The following FER variants were observed in gnomAD, a reference collection of about 807,000 sequenced individuals.
FER encodes the protein FER tyrosine kinase.
FER carries 63 observed loss-of-function variants against 111.0 expected under a neutral mutation model. The observed-to-expected ratio is 0.57, with a 90% CI of 0.46 to 0.70. The LOEUF (loss-of-function observed/expected upper bound fraction) is 0.70. FER is among the 30% of genes least tolerant of loss of function. The pLI is 0.00. For synonymous variants in FER, 327 were observed against 313.9 expected (o/e 1.04, Z -0.44); for missense variants, 914 against 954.0 (o/e 0.96, Z 0.55).
intron 3 of FER, among the ~76,000 whole-genome samples, chr5:108,821,647 C>G (rs2150105353): frequency 6.6e-6 from 1 of 151,784 alleles, no homozygotes; most frequent in Non-Finnish European, 1.5e-5. Flanking sequence ...CTTTCCTTGT[C>G]TCTCCCTCTG....
intron 17 of FER, among the ~76,000 whole-genome samples, chr5:109,165,593 G>GGTGTGT (rs66749153): frequency 0.015 from 2,090 of 142,286 alleles, 25 homozygotes; most frequent in Admixed American, 0.026. Context: ...GGAGGGAACT[G>GGTGTGT]GTGTGTGTGT....
chr5:109,129,936 T>G (rs77539952), intron 17 of FER, among the ~76,000 whole-genome samples: 1 of 152,162 alleles, frequency 6.6e-6, no homozygotes, highest in East Asian at 1.9e-4. Context: ...ACTTTTACTA[T>G]TGAGAAATAA....
At chr5:108,898,480 T>G (rs2150329582) in intron 10 of FER, among the ~76,000 whole-genome samples, 1 of 148,508 alleles carries the variant, frequency 6.7e-6, no homozygotes, top group Non-Finnish European at 1.5e-5. Flanking sequence ...TTCTGTCCTC[T>G]CCTTTCCTTT....
chr5:109,151,297 A>C (rs1474652605), intron 17 of FER, among the ~76,000 whole-genome samples: 1 of 152,140 alleles, frequency 6.6e-6, no homozygotes, highest in Non-Finnish European at 1.5e-5. Context: ...AAGACTACTA[A>C]ATTCAAATGA....
intron 13 of FER, among the ~76,000 whole-genome samples, chr5:108,991,839 T>C (rs1269781814): frequency 1.3e-5 from 2 of 150,802 alleles, no homozygotes; most frequent in African/African-American, 4.9e-5. Context: ...GCTGAGTAAT[T>C]CTATTTCCTT....
intron 17 of FER, among the ~76,000 whole-genome samples, chr5:109,172,400 T>C (rs952919812): frequency 3.2e-4 from 47 of 145,006 alleles, no homozygotes; most frequent in African/African-American, 8.2e-4. Context: ...GACCAAACAC[T>C]GCATGTTCTC....
In FER at chr5:109,190,407, C is replaced by T. The variant is rs1396852306; in HGVS notation, c.*2832C>T. The T allele has an allele frequency of 6.6e-6, 1 of 151,970 alleles. No individual in the cohort carries two copies. The highest frequency in any genetic ancestry group is 1.5e-5 in the Non-Finnish European group (1 of 67,994). 9.4% of individuals were successfully genotyped at this position (151,970 alleles called of 1,614,324 possible). ...CTACTGCATAGTTCCTCTCATAAGT[C>T]CTTAAATTTATTAAAAGGGGGAGGT... On this transcript the variant is annotated 3_prime_UTR_variant, in exon 20 of 20. Coordinates refer to ENST00000281092, the MANE Select transcript of FER (RefSeq NM_005246.4).
At position 109,070,328 on chromosome 5, in the gene FER, G is replaced by T. The variant is rs1775627009; in HGVS notation, c.1924+23130G>T. 2.0e-5 allele frequency among the ~76,000 whole-genome samples: 3 copies of T among 151,946 alleles called. 1 individual carries two copies. The South Asian group carries it at 6.2e-4, about 31-fold the overall frequency. On this transcript the variant is annotated intron_variant, in intron 16 of 19. Transcript: ENST00000281092. The stretch of plus-strand genomic sequence containing the variant: ...AGGTCTATCCAGTTCAGTATAATAT[G>T]TTGGGGAATGATACTCTTACAGACT...
chr5:108,785,434 T>G, intron 2 of FER: 1 of 581,804 alleles, frequency 1.7e-6, no homozygotes, highest in South Asian at 1.4e-5. Context: ...TTATTAGTAC[T>G]GGCAGCAAGG....
chr5:109,195,875 G>C lies in FER; in HGVS notation c.*8300G>C, dbSNP rs1258229679. On this transcript the variant is annotated 3_prime_UTR_variant, in exon 20 of 20. Coordinates refer to ENST00000281092, the MANE Select transcript of FER (RefSeq NM_005246.4). The stretch of plus-strand genomic sequence containing the variant: ...GCATTAAGTTAGATGGCCCAATTGA[G>C]CATCTGAATGAATATAGTGGGGGTT... The C allele has an allele frequency of 2.0e-5, 3 of 152,180 alleles. No homozygotes were observed. The highest frequency in any genetic ancestry group is 4.4e-5 in the Non-Finnish European group (3 of 68,020). 9.4% of individuals were successfully genotyped at this position (152,180 alleles called of 1,614,324 possible). A position where few individuals can be genotyped will look rare whatever the true frequency, so the allele number is the denominator to read the frequency against.
chr5:109,180,995 G>C, intron 18 of FER, 94 bp downstream of exon 18: 4 of 1,023,760 alleles, frequency 3.9e-6, no homozygotes, highest in Non-Finnish European at 5.5e-6. Flanking sequence ...AGCACAGAAT[G>C]CAAGTTAGAA....
intron 17 of FER, among the ~76,000 whole-genome samples, chr5:109,109,066 T>G (rs906429167): frequency 5.9e-5 from 9 of 152,146 alleles, no homozygotes; most frequent in Non-Finnish European, 1.0e-4. Context: ...CTGATATCTA[T>G]TAAGTGTAAG....
rs542543197 is a variant in FER at position 108,750,404 on chromosome 5, G to A, written c.-206+2404G>A. Among the ~76,000 whole-genome samples, 4 of 152,276 alleles carry A rather than the reference G, an allele frequency of 2.6e-5. No homozygotes were observed. The South Asian group carries it at 8.3e-4, about 32-fold the overall frequency. On this transcript the variant is annotated intron_variant, in intron 1 of 19. Transcript: ENST00000281092. Reference sequence around the variant, plus strand: ...GGAAAGCAGAGTGTATCTTTTTGTAGTCCAGGAAAGCTTTTCTGCTAGTAC... The same window carrying A: ...GGAAAGCAGAGTGTATCTTTTTGTAATCCAGGAAAGCTTTTCTGCTAGTAC...
chr5:108,914,365 G>A (rs1751975879), intron 10 of FER, among the ~76,000 whole-genome samples: 1 of 151,830 alleles, frequency 6.6e-6, no homozygotes, highest in Non-Finnish European at 1.5e-5. Flanking sequence ...ACTTTTCTCT[G>A]TTACCGACTC....
At chr5:109,185,231 C>G (rs751800225) in intron 18 of FER, among the ~76,000 whole-genome samples, 1 of 152,146 alleles carries the variant, frequency 6.6e-6, no homozygotes, top group Non-Finnish European at 1.5e-5. Context: ...GCTCATGTAG[C>G]TCAGTAAAAC....
chr5:109,024,572 G>T (rs935918328), intron 13 of FER, among the ~76,000 whole-genome samples: 1 of 152,056 alleles, frequency 6.6e-6, no homozygotes, highest in Admixed American at 6.6e-5. Context: ...TGTGAGCTAC[G>T]GAGGACGGTG....
At chr5:108,755,678 G>T (rs1288654497) in intron 1 of FER, among the ~76,000 whole-genome samples, 1 of 151,520 alleles carries the variant, frequency 6.6e-6, no homozygotes, top group East Asian at 2.0e-4. Flanking sequence ...TAGAGATGGG[G>T]TTTCACCATG....
intron 5 of FER, among the ~76,000 whole-genome samples, chr5:108,857,242 C>T (rs1394160973): frequency 1.3e-5 from 2 of 152,080 alleles, no homozygotes; most frequent in Non-Finnish European, 2.9e-5. Flanking sequence ...TACACTGGAA[C>T]AGTTAATAGT....
At chr5:108,971,233 C>CT (rs1405483940) in intron 13 of FER, among the ~76,000 whole-genome samples, 25 of 130,576 alleles carry the variant, frequency 1.9e-4, no homozygotes, top group Non-Finnish European at 2.7e-4. Context: ...AATCCCAGCA[C>CT]TTTGGGAGGC....
Sources: gnomAD v4.1 joint callset for allele counts (sites outside exome capture counted in the v4.1 genomes callset) on GRCh38, gnomAD v4.1.1 for gene constraint, MANE v1.5 for transcripts, NCBI Gene and HGNC (gene_info 2026-07-23, HGNC 2026-07-21) for gene names.